Variants in CAPZB observed in about 807,000 individuals in gnomAD.
CAPZB encodes capping actin protein of muscle Z-line subunit beta.
A neutral mutation model predicts 38.1 loss-of-function variants in CAPZB; 2 were observed. The observed-to-expected ratio is 0.05, with a 90% CI of 0.02 to 0.17. CAPZB has a LOEUF of 0.17. CAPZB is among the 10% of genes least tolerant of loss of function. The pLI is 1.00. For synonymous variants in CAPZB, 107 were observed against 127.4 expected, an observed-to-expected ratio of 0.84 and a Z score of 1.08; for missense variants, 161 against 334.2, an observed-to-expected ratio of 0.48 and a Z score of 4.04.
At chr1:19,353,578 C>T (rs2094003632) in intron 6 of CAPZB, among the ~76,000 whole-genome samples, 1 of 152,174 alleles carries the variant, frequency 6.6e-6, no homozygotes, top group African/African-American at 2.4e-5. Context: ...CCAGGGCTGC[C>T]TGATCCAGGC....
In CAPZB at chr1:19,397,261, T is replaced by C. The variant is rs191000615; in HGVS notation, c.94-11635A>G. 1.8e-3 allele frequency among the ~76,000 whole-genome samples: 279 copies of C among 152,344 alleles called. 2 individuals carry two copies. In the South Asian group the frequency reaches 0.023, roughly 13 times the overall value. On this transcript the variant is annotated intron_variant, in intron 2 of 8. Transcript: ENST00000264202. The stretch of plus-strand genomic sequence containing the variant: ...ACTTACTGAACTATCAAAGTTATGA[T>C]TGGAATAACAGCAAAGATGTTTAGG...
At chr1:19,375,280 C>G (rs943963277) in intron 4 of CAPZB, among the ~76,000 whole-genome samples, 3 of 152,170 alleles carry the variant, frequency 2.0e-5, no homozygotes, top group Non-Finnish European at 4.4e-5. Context: ...GCATGTGGTC[C>G]CAGGAGAGAG....
chr1:19,440,020 G>C (rs1407732760), intron 1 of CAPZB, among the ~76,000 whole-genome samples: 1 of 152,178 alleles, frequency 6.6e-6, no homozygotes, highest in Non-Finnish European at 1.5e-5. Context: ...CCAGGTGGGG[G>C]TGCTACCGGT....
intron 1 of CAPZB, among the ~76,000 whole-genome samples, chr1:19,477,136 ACT>A (rs2094609722): frequency 6.6e-6 from 1 of 152,178 alleles, no homozygotes; most frequent in African/African-American, 2.4e-5. Flanking sequence ...GGAAGGGGCC[ACT>A]CTGTGAGTGA....
intron 1 of CAPZB, among the ~76,000 whole-genome samples, chr1:19,473,099 T>A (rs1558293920): frequency 6.6e-6 from 1 of 152,246 alleles, no homozygotes; most frequent in South Asian, 2.1e-4. Flanking sequence ...CACTTTCAGC[T>A]GCAGAAGTTT....
Position 19,338,994 on chromosome 1 carries a change from T to C in CAPZB, c.*536A>G, listed in dbSNP as rs1419075607. On this transcript the variant is annotated 3_prime_UTR_variant, in exon 9 of 9. Coordinates refer to ENST00000264202, the MANE Select transcript of CAPZB (RefSeq NM_004930.5). ...CCCAGCCCCCACCCCGCGGCCTCCG[T>C]GGGACGGGAGAGTCTGCGCAGGACG... 7.3e-6 allele frequency: 1 copy of C among 137,210 alleles called. No homozygotes were observed. The allele number at this position is 137,210 out of a possible 1,614,324, so 8.5% of individuals were successfully genotyped here.
chr1:19,439,394 CT>C (rs1158332698), intron 1 of CAPZB, among the ~76,000 whole-genome samples: 3 of 152,204 alleles, frequency 2.0e-5, no homozygotes, highest in African/African-American at 7.2e-5. Context: ...AATTAAAGGT[CT>C]TTTGTTCTTG....
chr1:19,422,705 C>T lies in CAPZB; in HGVS notation c.4-2955G>A, dbSNP rs188523351. Among the ~76,000 whole-genome samples, 47 of 150,432 alleles carry T rather than the reference C, an allele frequency of 3.1e-4. No individual in the cohort carries two copies. In the East Asian group the frequency reaches 7.6e-3, roughly 24 times the overall value. On this transcript the variant is annotated intron_variant, in intron 1 of 8. Transcript: ENST00000264202. Reference sequence around the variant, plus strand: ...TGAGCCCAGATCACTCCAGCCTGGGCGACAGAGCGAGACTCCATCTCAAAA... The same window carrying T: ...TGAGCCCAGATCACTCCAGCCTGGGTGACAGAGCGAGACTCCATCTCAAAA...
At chr1:19,415,041 C>T (rs2094373005) in intron 2 of CAPZB, among the ~76,000 whole-genome samples, 1 of 152,254 alleles carries the variant, frequency 6.6e-6, no homozygotes, top group African/African-American at 2.4e-5. Flanking sequence ...CTTGGCCTGG[C>T]TGCCAAGCAT....
At chr1:19,442,049 GC>G (rs2094479152) in intron 1 of CAPZB, among the ~76,000 whole-genome samples, 1 of 146,448 alleles carries the variant, frequency 6.8e-6, no homozygotes, top group African/African-American at 2.5e-5. Flanking sequence ...GGTATCCACA[GC>G]CCTTAAAAAG....
At chr1:19,381,628 G>C (rs916771181) in intron 3 of CAPZB, among the ~76,000 whole-genome samples, 2 of 151,106 alleles carry the variant, frequency 1.3e-5, no homozygotes, top group African/African-American at 4.9e-5. Flanking sequence ...GGAGTGCAGT[G>C]ATGTGAACAT....
chr1:19,463,465 T>A (rs2100748705), intron 1 of CAPZB, among the ~76,000 whole-genome samples: 2 of 152,352 alleles, frequency 1.3e-5, no homozygotes, highest in South Asian at 4.1e-4. Context: ...CAGGCTCATT[T>A]CCTTTACAGT....
chr1:19,457,315 C>T (rs2094536048), intron 1 of CAPZB, among the ~76,000 whole-genome samples: 1 of 152,088 alleles, frequency 6.6e-6, no homozygotes, highest in East Asian at 1.9e-4. Context: ...ACCAGTGGGC[C>T]CCAGAGACTA....
intron 1 of CAPZB, among the ~76,000 whole-genome samples, chr1:19,431,452 C>T (rs927288550): frequency 1.3e-5 from 2 of 152,168 alleles, no homozygotes; most frequent in African/African-American, 4.8e-5. Flanking sequence ...GTAATCCCAG[C>T]ACTTTGGGAG....
chr1:19,444,188 C>T (rs903451653), intron 1 of CAPZB, among the ~76,000 whole-genome samples: 1 of 152,048 alleles, frequency 6.6e-6, no homozygotes, highest in African/African-American at 2.4e-5. Context: ...TTCAGATTTT[C>T]ATCAATGAAG....
Position 19,356,278 on chromosome 1 carries a change from CCTGA to C in CAPZB, c.588+353_588+356del, listed in dbSNP as rs1256106154. ...AGGTAAGCTGCTCCCAGAGAGCTGG[CCTGA>C]CTGATGGGCTGGGCATGGCCACAGA... On this transcript the variant is annotated intron_variant, in intron 6 of 8. Transcript: ENST00000264202. The surrounding 1 kb of genome is among the most constrained non-coding windows in gnomAD (Gnocchi z 4.3). Among the ~76,000 whole-genome samples the C allele has an allele frequency of 6.6e-6, 1 of 152,022 alleles. No individual in the cohort carries two copies. Among genetic ancestry groups the C allele is most frequent in the African/African-American group, 2.4e-5 (1 of 41,426 alleles).
chr1:19,396,786 C>CAAA (rs35949767), intron 2 of CAPZB, among the ~76,000 whole-genome samples: 6 of 121,398 alleles, frequency 4.9e-5, no homozygotes, highest in South Asian at 5.5e-4. Flanking sequence ...AATAAAAATA[C>CAAA]AAAAAAAAAA....
In CAPZB at chr1:19,394,477, C is replaced by G. The variant is rs182665533; in HGVS notation, c.94-8851G>C. 4.2e-4 allele frequency among the ~76,000 whole-genome samples: 64 copies of G among 152,304 alleles called. 1 individual carries two copies. The highest frequency in any genetic ancestry group is 3.4e-3 in the Middle Eastern group (1 of 294). On this transcript the variant is annotated intron_variant, in intron 2 of 8. Transcript: ENST00000264202. ...GGCTCACGCCTGTAATCCCAGCACTCTGGGAGGCTGAGGTGGGCGGATCAC... is the reference window on the plus strand; with the variant it reads ...GGCTCACGCCTGTAATCCCAGCACTGTGGGAGGCTGAGGTGGGCGGATCAC...
At chr1:19,441,730 G>A (rs963447097) in intron 1 of CAPZB, among the ~76,000 whole-genome samples, 3 of 151,526 alleles carry the variant, frequency 2.0e-5, no homozygotes, top group Non-Finnish European at 2.9e-5. Context: ...AGGAGAGGCC[G>A]GGCACAGTGG....
Sources: gnomAD v4.1 joint callset for allele counts (sites outside exome capture counted in the v4.1 genomes callset) on GRCh38, gnomAD v4.1.1 for gene constraint, Gnocchi (gnomAD v3.1) non-coding constraint, MANE v1.5 for transcripts, NCBI Gene and HGNC (gene_info 2026-07-23, HGNC 2026-07-21) for gene names.